Variants in STOX2 observed in about 807,000 individuals in gnomAD.
The protein encoded by STOX2 is storkhead box 2, also known as storkhead-box protein 2.
STOX2 carries 28 observed loss-of-function variants against 60.9 expected under a neutral mutation model. The ratio of observed to expected loss-of-function variants is 0.46; its 90% CI spans 0.34 to 0.63. STOX2 has a LOEUF of 0.63. Ranked by LOEUF, STOX2 falls within the 30% of genes least tolerant of loss-of-function variation. The probability of loss-of-function intolerance (pLI) is 0.01; values close to 1 mark genes in which losing one functional copy is unlikely to be tolerated. For missense variants in STOX2, 1,024 were observed against 1,187.7 expected (o/e 0.86, Z 2.03); for synonymous variants, 472 against 463.9 (o/e 1.02, Z -0.22).
chr4:183,906,271 C>G lies in STOX2; in HGVS notation c.-520C>G, dbSNP rs1741595446. ...CCACGCCTCGCGCTGAGCTGCCCGG[C>G]GCGGAGGGTCTGCCGCCGCCCCTCC... On this transcript the variant is annotated 5_prime_UTR_variant, in exon 1 of 4. Coordinates refer to ENST00000308497, the MANE Select transcript of STOX2 (RefSeq NM_020225.3). The G allele has an allele frequency of 6.6e-6, 1 of 152,304 alleles. No individual in the cohort carries two copies. The highest frequency in any genetic ancestry group is 1.5e-5 in the Non-Finnish European group (1 of 68,140). 9.4% of individuals were successfully genotyped at this position (152,304 alleles called of 1,614,324 possible).
chr4:183,813,135 G>T (rs542776044), intron 1 of STOX2, among the ~76,000 whole-genome samples: 83 of 152,264 alleles, frequency 5.5e-4, no homozygotes, highest in African/African-American at 1.9e-3. Context: ...TGTAATCCCA[G>T]CACTTTGGGA....
chr4:183,972,206 G>A (rs899225513), intron 1 of STOX2, among the ~76,000 whole-genome samples: 1 of 152,168 alleles, frequency 6.6e-6, no homozygotes, highest in Admixed American at 6.5e-5. Context: ...AGGGAACTGT[G>A]GTCCTAAGAG....
intron 1 of STOX2, among the ~76,000 whole-genome samples, chr4:183,992,827 C>G (rs1733168395): frequency 6.6e-6 from 1 of 152,218 alleles, no homozygotes; most frequent in Admixed American, 6.5e-5. Context: ...ATTCTACAAG[C>G]ATTTGAGGAC....
intron 1 of STOX2, among the ~76,000 whole-genome samples, chr4:183,883,611 T>C (rs1741008243): frequency 6.6e-6 from 1 of 152,200 alleles, no homozygotes; most frequent in South Asian, 2.1e-4. Context: ...CCACCGCGCC[T>C]GGCCGACCTG....
rs982975433 is a variant in STOX2, at chr4:183,984,886, C to T, written c.167-16439C>T. ...GGAGGAGGACTGCTAATGATGGCTG[C>T]ATGTGATTCTTGAGCTCATCTTGCC... On this transcript the variant is annotated intron_variant, in intron 1 of 3. Coordinates refer to ENST00000308497, the MANE Select transcript of STOX2 (RefSeq NM_020225.3). 6.6e-5 allele frequency among the ~76,000 whole-genome samples: 10 copies of T among 152,240 alleles called. No homozygotes were observed. In the South Asian group the frequency reaches 2.1e-3, roughly 32 times the overall value.
At chr4:184,000,709 C>T (rs1222920252) in intron 1 of STOX2, among the ~76,000 whole-genome samples, 4 of 152,154 alleles carry the variant, frequency 2.6e-5, no homozygotes, top group Non-Finnish European at 5.9e-5. Context: ...TGCTTCTGAG[C>T]CCCACCCTCG....
At chr4:183,956,206 G>A (rs945066030) in intron 1 of STOX2, among the ~76,000 whole-genome samples, 16 of 152,238 alleles carry the variant, frequency 1.1e-4, no homozygotes, top group Non-Finnish European at 1.8e-4. Flanking sequence ...ACACCTCGCC[G>A]TTAACAATAC....
rs190889800 is a variant in STOX2 at position 183,879,310 on chromosome 4, C to T, written c.364+81255C>T. On this transcript the variant is annotated intron_variant, in intron 1 of 2. Transcript: ENST00000513034. ...CATCCCTTGTACGCCTTTCTGCTCT[C>T]GGCCCATACATCAAGCATGGACATA... Among the ~76,000 whole-genome samples, 22 of 152,314 alleles carry T rather than the reference C, an allele frequency of 1.4e-4. No homozygotes were observed. In the East Asian group the frequency reaches 2.1e-3, roughly 15 times the overall value.
intron 1 of STOX2, among the ~76,000 whole-genome samples, chr4:183,974,818 GA>G (rs1274113161): frequency 6.6e-6 from 1 of 152,128 alleles, no homozygotes; most frequent in Non-Finnish European, 1.5e-5. Context: ...TAAGGATATG[GA>G]AAAACTGAAC....
At chr4:183,999,088 A>G (rs930563677) in intron 1 of STOX2, among the ~76,000 whole-genome samples, 2 of 152,144 alleles carry the variant, frequency 1.3e-5, no homozygotes, top group African/African-American at 4.8e-5. Context: ...GAACAAACAA[A>G]AAAACCCAGC....
chr4:183,946,619 T>C (rs1742897699), intron 1 of STOX2, among the ~76,000 whole-genome samples: 2 of 122,750 alleles, frequency 1.6e-5, no homozygotes, highest in African/African-American at 5.4e-5. Context: ...ACTATTTACA[T>C]AGTTGTGGTT....
chr4:183,857,734 G>T (rs970117379), intron 1 of STOX2, among the ~76,000 whole-genome samples: 2 of 152,020 alleles, frequency 1.3e-5, no homozygotes, highest in Non-Finnish European at 2.9e-5. Context: ...AGTGCTGCTG[G>T]TGTCCCTGTC....
intron 1 of STOX2, among the ~76,000 whole-genome samples, chr4:183,818,579 T>A (rs1739212295): frequency 6.6e-6 from 1 of 152,258 alleles, no homozygotes; most frequent in African/African-American, 2.4e-5. Context: ...ACCGCCATCG[T>A]CATCATGGCC....
At chr4:183,818,810 G>C (rs944698212) in intron 1 of STOX2, among the ~76,000 whole-genome samples, 1 of 149,880 alleles carries the variant, frequency 6.7e-6, no homozygotes, top group Non-Finnish European at 1.5e-5. Flanking sequence ...CGGGCGGAGG[G>C]GCTCCTCACC....
chr4:183,827,576 C>A (rs774546791), intron 1 of STOX2, among the ~76,000 whole-genome samples: 9 of 152,130 alleles, frequency 5.9e-5, no homozygotes, highest in Non-Finnish European at 1.3e-4. Context: ...ATGTAATCAA[C>A]ACATGGCCCA....
intron 1 of STOX2, among the ~76,000 whole-genome samples, chr4:184,000,414 T>A (rs965343576): frequency 2.0e-5 from 3 of 152,120 alleles, no homozygotes; most frequent in Admixed American, 6.5e-5. Context: ...TCTGAGGGAA[T>A]TGTAATCTGC....
At chr4:183,887,339 G>C (rs1741107855) in intron 1 of STOX2, among the ~76,000 whole-genome samples, 1 of 152,182 alleles carries the variant, frequency 6.6e-6, no homozygotes, top group African/African-American at 2.4e-5. Context: ...ATTTGTCAGA[G>C]ACACCATCAA....
In STOX2 at chr4:183,878,776, C is replaced by T. The variant is rs72994796; in HGVS notation, c.364+80721C>T. On this transcript the variant is annotated intron_variant, in intron 1 of 2. Coordinates refer to the STOX2 transcript ENST00000513034. Reference sequence around the variant, plus strand: ...GCAGAAACTGCAGGCTATTTTAATGCCAATGCTTTTAATCCTAACCTTTGT... The same window carrying T: ...GCAGAAACTGCAGGCTATTTTAATGTCAATGCTTTTAATCCTAACCTTTGT... Among the ~76,000 whole-genome samples, 766 of 152,288 alleles carry T rather than the reference C, an allele frequency of 5.0e-3. 7 individuals carry two copies. The highest frequency in any genetic ancestry group is 0.017 in the African/African-American group (727 of 41,572).
At chr4:184,006,636 T>C (rs1350150078) in intron 2 of STOX2, among the ~76,000 whole-genome samples, 21 of 131,256 alleles carry the variant, frequency 1.6e-4, no homozygotes, top group Non-Finnish European at 3.1e-4. Flanking sequence ...TGCAGTGAGC[T>C]GAGATCTTGT....
Sources: allele counts gnomAD v4.1 joint callset (sites outside exome capture counted in the v4.1 genomes callset), GRCh38; gene constraint gnomAD v4.1.1; transcripts MANE v1.5; gene names NCBI Gene and HGNC (gene_info 2026-07-23, HGNC 2026-07-21).